Variants in SPNS2 observed in about 807,000 individuals in gnomAD.
SPNS2 encodes the protein SPNS lysolipid transporter 2, sphingosine-1-phosphate, also known as sphingosine-1-phosphate transporter SPNS2.
A neutral mutation model predicts 57.6 loss-of-function variants in SPNS2; 37 were observed. The ratio of observed to expected loss-of-function variants is 0.64; its 90% CI spans 0.49 to 0.85. The LOEUF (loss-of-function observed/expected upper bound fraction) is 0.85. Ranked by LOEUF, SPNS2 falls within the 40% of genes least tolerant of loss-of-function variation. The pLI is 0.00. For missense variants in SPNS2, 831 were observed against 779.1 expected, an observed-to-expected ratio of 1.07 and a Z score of -0.79; for synonymous variants, 440 against 346.9, an observed-to-expected ratio of 1.27 and a Z score of -2.98.
intron 9 of SPNS2, 144 bp downstream of exon 9, chr17:4,533,997 G>A: frequency 1.2e-6 from 1 of 806,462 alleles, no homozygotes; most frequent in Non-Finnish European, 2.0e-6. Flanking sequence ...AGGCAGGGAG[G>A]GGATCAGAGA....
chr17:4,517,651 C>T (rs1025629058), intron 2 of SPNS2, among the ~76,000 whole-genome samples: 1 of 151,444 alleles, frequency 6.6e-6, no homozygotes, highest in Non-Finnish European at 1.5e-5. Context: ...ACCAAGACTC[C>T]GTCTCAAAAA....
intron 3 of SPNS2, among the ~76,000 whole-genome samples, chr17:4,527,581 G>C (rs1188457076): frequency 1.3e-5 from 2 of 152,216 alleles, no homozygotes; most frequent in Admixed American, 1.3e-4. Context: ...AATGGGCACG[G>C]GATAGCTACA....
chr17:4,529,199 G>T (rs763347928), intron 3 of SPNS2, among the ~76,000 whole-genome samples: 19 of 152,188 alleles, frequency 1.2e-4, no homozygotes, highest in Middle Eastern at 3.4e-3. Context: ...CTCCCAAAGT[G>T]CTGGGATTAC....
At chr17:4,518,678 C>T (rs1240295960) in intron 2 of SPNS2, among the ~76,000 whole-genome samples, 2 of 152,086 alleles carry the variant, frequency 1.3e-5, no homozygotes, top group Non-Finnish European at 2.9e-5. Flanking sequence ...GATGGGGGAA[C>T]GGAGGGAGAG....
intron 12 of SPNS2, among the ~76,000 whole-genome samples, chr17:4,537,217 C>A (rs978446026): frequency 8.6e-5 from 13 of 151,028 alleles, no homozygotes; most frequent in Non-Finnish European, 1.9e-4. Context: ...TGGCCAGGAA[C>A]TCCTCACTCT....
In SPNS2 at chr17:4,511,561, T is replaced by G. The variant is rs770858879; in HGVS notation, c.371-1686T>G. Among the ~76,000 whole-genome samples, 3 of 152,184 alleles carry G rather than the reference T, an allele frequency of 2.0e-5. No individual in the cohort carries two copies. The highest frequency in any genetic ancestry group is 4.8e-5 in the African/African-American group (2 of 41,442). On this transcript the variant is annotated intron_variant, in intron 1 of 12. Coordinates refer to ENST00000329078, the MANE Select transcript of SPNS2 (RefSeq NM_001124758.3). The surrounding 1 kb of genome is among the most constrained non-coding windows in gnomAD (Gnocchi z 4.6). ...AATGGGTTGTGGGGCTGTGAGCCTC[T>G]GGGGCTGGGTCAGGGCACCTCAGAG...
intron 3 of SPNS2, among the ~76,000 whole-genome samples, chr17:4,529,554 C>T (rs1042578097): frequency 6.6e-6 from 1 of 152,084 alleles, no homozygotes; most frequent in Non-Finnish European, 1.5e-5. Flanking sequence ...TGCCTATAAT[C>T]CCACCTCCTC....
Position 4,537,638 on chromosome 17 carries a change from A to T in SPNS2, c.*190A>T, listed in dbSNP as rs1905931001. Reference sequence around the variant, plus strand: ...GAGGCTGTGTCCTCAGTTACCCTGGAAGGATGTGTGTGTTGGAGCCACACG... The same window carrying T: ...GAGGCTGTGTCCTCAGTTACCCTGGTAGGATGTGTGTGTTGGAGCCACACG... On this transcript the variant is annotated 3_prime_UTR_variant, in exon 13 of 13. Coordinates refer to ENST00000329078, the MANE Select transcript of SPNS2 (RefSeq NM_001124758.3). The T allele has an allele frequency of 4.4e-6, 2 of 456,546 alleles. No individual in the cohort carries two copies. Among genetic ancestry groups the T allele is most frequent in the Non-Finnish European group, 8.8e-6 (2 of 226,952 alleles). The allele number at this position is 456,546 out of a possible 1,614,324, so 28.3% of individuals were successfully genotyped here.
rs1364577861 is a variant in SPNS2 at position 4,512,815 on chromosome 17, C to A, written c.371-432C>A. ...AGGTGAACCAGAGTGAGCGGCTGCC[C>A]CTCCCAGGCCAGAGGGCTCCCCGCA... On this transcript the variant is annotated intron_variant, in intron 1 of 12. Coordinates refer to ENST00000329078, the MANE Select transcript of SPNS2 (RefSeq NM_001124758.3). This position sits in a 1 kb window ranked among gnomAD's most constrained non-coding sequence, Gnocchi z 5.2. Among the ~76,000 whole-genome samples, 1 of 149,028 alleles carries A rather than the reference C, an allele frequency of 6.7e-6. No individual in the cohort carries two copies. Among genetic ancestry groups the A allele is most frequent in the Non-Finnish European group, 1.5e-5 (1 of 65,776 alleles).
chr17:4,513,118 T>G, intron 1 of SPNS2, 129 bp from the exon 2 acceptor site: 3 of 982,816 alleles, frequency 3.1e-6, no homozygotes, highest in East Asian at 2.5e-5. Context: ...AGGGTAGAGG[T>G]CGCAGCAGAG....
Position 4,498,953 on chromosome 17 carries a change from G to T in SPNS2, c.-95G>T. On this transcript the variant is annotated 5_prime_UTR_variant, in exon 1 of 13. Transcript: ENST00000329078. ...GAGCCGACGGGGCCCGACCAGGATG[G>T]TGCAGTGGCGGCTCCGCGGCGCACG... The T allele has an allele frequency of 1.3e-6, 1 of 799,156 alleles. No homozygotes were observed. The highest frequency in any genetic ancestry group is 1.5e-6 in the Non-Finnish European group (1 of 660,624). 49.5% of individuals were successfully genotyped at this position (799,156 alleles called of 1,614,324 possible).
At chr17:4,522,909 C>T (rs1237403646) in intron 2 of SPNS2, among the ~76,000 whole-genome samples, 1 of 152,254 alleles carries the variant, frequency 6.6e-6, no homozygotes, top group African/African-American at 2.4e-5. Flanking sequence ...AGAACAAAGC[C>T]AGGTCACGGC....
rs1296823586 is a variant in SPNS2, at chr17:4,512,876, C to A, written c.371-371C>A. Among the ~76,000 whole-genome samples, 1 of 152,160 alleles carries A rather than the reference C, an allele frequency of 6.6e-6. No individual in the cohort carries two copies. The highest frequency in any genetic ancestry group is 2.4e-5 in the African/African-American group (1 of 41,444). Reference sequence around the variant, plus strand: ...CCCCCGCTGCTCTCTGAGTCATGGGCTTTGTGTTCCCCCTGAGGGAAAGGC... The same window carrying A: ...CCCCCGCTGCTCTCTGAGTCATGGGATTTGTGTTCCCCCTGAGGGAAAGGC... On this transcript the variant is annotated intron_variant, in intron 1 of 12. Transcript: ENST00000329078. The surrounding 1 kb of genome is among the most constrained non-coding windows in gnomAD (Gnocchi z 5.2).
At chr17:4,518,737 G>A (rs1356513936) in intron 2 of SPNS2, among the ~76,000 whole-genome samples, 1 of 152,188 alleles carries the variant, frequency 6.6e-6, no homozygotes, top group African/African-American at 2.4e-5. Context: ...CAGTGCCTCT[G>A]TTTTGGGGGT....
At chr17:4,504,787 C>G (rs1904630328) in intron 1 of SPNS2, among the ~76,000 whole-genome samples, 1 of 152,226 alleles carries the variant, frequency 6.6e-6, no homozygotes, top group African/African-American at 2.4e-5. Flanking sequence ...GTTCCTGGCT[C>G]TGCCAGCCTT....
At chr17:4,534,972 C>T (rs1230663510) in intron 9 of SPNS2, among the ~76,000 whole-genome samples, 2 of 152,178 alleles carry the variant, frequency 1.3e-5, no homozygotes, top group Non-Finnish European at 2.9e-5. Context: ...CTGCTGGAAA[C>T]AGGGCCACTC....
intron 2 of SPNS2, among the ~76,000 whole-genome samples, chr17:4,518,466 T>C (rs890597258): frequency 7.9e-5 from 12 of 152,274 alleles, no homozygotes; most frequent in Admixed American, 5.9e-4. Flanking sequence ...GAGCTTGCAG[T>C]GAGCCGAGAT....
chr17:4,513,122 A>G, intron 1 of SPNS2, 125 bp from the exon 2 acceptor site: 2 of 1,047,110 alleles, frequency 1.9e-6, no homozygotes, highest in Non-Finnish European at 2.9e-6. Context: ...TAGAGGTCGC[A>G]GCAGAGCAGG....
rs763432175 is a variant in SPNS2 at position 4,536,919 on chromosome 17, C to CCGCCCGCATCTGTGAAAG, written c.1628_1645dup (p.Lys548_Val549insAlaProAlaSerValLys). The CCGCCCGCATCTGTGAAAG allele has an allele frequency of 9.1e-5, 147 of 1,613,502 alleles. No homozygotes were observed. The highest frequency in any genetic ancestry group is 1.1e-4 in the Non-Finnish European group (134 of 1,179,846). On this transcript the variant is annotated inframe_insertion, in exon 12 of 13. Coordinates refer to ENST00000329078, the MANE Select transcript of SPNS2 (RefSeq NM_001124758.3). ...CCCCAGGGTGAACCAGCTGGCGATG[C>CCGCCCGCATCTGTGAAAG]CGCCCGCATCTGTGAAAGTCTGAGG...
Sources: allele counts gnomAD v4.1 joint callset (sites outside exome capture counted in the v4.1 genomes callset), GRCh38; gene constraint gnomAD v4.1.1; non-coding constraint Gnocchi (gnomAD v3.1); transcripts MANE v1.5; gene names NCBI Gene and HGNC (gene_info 2026-07-23, HGNC 2026-07-21).